PBX3: variants seen among roughly 807,000 people sequenced by gnomAD.
PBX3 encodes the protein PBX homeobox 3.
A neutral mutation model predicts 48.5 loss-of-function variants in PBX3; 14 were observed. The observed-to-expected ratio is 0.29, with a 90% confidence interval of 0.19 to 0.45. PBX3 has a LOEUF of 0.45. PBX3 is among the 20% of genes least tolerant of loss of function. The probability of loss-of-function intolerance (pLI) is 1.00; values close to 1 mark genes in which losing one functional copy is unlikely to be tolerated. For missense variants in PBX3, 386 were observed against 546.7 expected, an observed-to-expected ratio of 0.71 and a Z score of 2.93; for synonymous variants, 210 against 200.3, an observed-to-expected ratio of 1.05 and a Z score of -0.41.
chr9:125,812,543 C>A (rs1838322120), intron 2 of PBX3, among the ~76,000 whole-genome samples: 1 of 152,208 alleles, frequency 6.6e-6, no homozygotes, highest in African/African-American at 2.4e-5. Context: ...GACTCAAAAT[C>A]TCTTTATTGA....
intron 2 of PBX3, among the ~76,000 whole-genome samples, chr9:125,853,974 T>C (rs1472800814): frequency 7.2e-6 from 1 of 138,642 alleles, no homozygotes; most frequent in Non-Finnish European, 1.6e-5. Context: ...AAACATTAAT[T>C]GGCTGCTGTA....
At chr9:125,819,779 GTTTA>G (rs1046223027) in intron 2 of PBX3, among the ~76,000 whole-genome samples, 18 of 151,942 alleles carry the variant, frequency 1.2e-4, no homozygotes, top group African/African-American at 4.1e-4. Context: ...TCACTTTTAA[GTTTA>G]TTTTAGTTAG....
chr9:125,869,996 G>A (rs1362938606), intron 2 of PBX3, among the ~76,000 whole-genome samples: 1 of 151,748 alleles, frequency 6.6e-6, no homozygotes, highest in African/African-American at 2.4e-5. Flanking sequence ...CGTGTCTGGA[G>A]AGGCTTCACA....
chr9:125,748,160 G>T (rs1205993186), intron 1 of PBX3: 1 of 839,776 alleles, frequency 1.2e-6, no homozygotes. Flanking sequence ...AAACTTTGCC[G>T]AGCTGTCACC....
chr9:125,780,045 C>T (rs1448243720), intron 2 of PBX3, among the ~76,000 whole-genome samples: 7 of 136,816 alleles, frequency 5.1e-5, no homozygotes, highest in African/African-American at 8.3e-5. Context: ...CCGGACGGGG[C>T]GGCTGGCCGG....
chr9:125,784,398 G>T (rs1837406401), intron 2 of PBX3, among the ~76,000 whole-genome samples: 1 of 152,120 alleles, frequency 6.6e-6, no homozygotes, highest in African/African-American at 2.4e-5. Context: ...TAAAGTGCTG[G>T]GATTAGAGCT....
chr9:125,943,880 G>A (rs1352304537), intron 5 of PBX3, among the ~76,000 whole-genome samples: 1 of 152,210 alleles, frequency 6.6e-6, no homozygotes, highest in Non-Finnish European at 1.5e-5. Context: ...GGTGTGTGGA[G>A]AAGGCCAGTG....
chr9:125,860,804 G>A (rs909764501), intron 2 of PBX3, among the ~76,000 whole-genome samples: 6 of 148,172 alleles, frequency 4.0e-5, no homozygotes, highest in African/African-American at 1.5e-4. Context: ...GGAGAATCAC[G>A]TGAACCCAGG....
chr9:125,773,042 C>T (rs1025550930), intron 2 of PBX3, among the ~76,000 whole-genome samples: 5 of 152,052 alleles, frequency 3.3e-5, no homozygotes, highest in Non-Finnish European at 5.9e-5. Context: ...CAGTTCTGTG[C>T]GAGGGTAGTA....
intron 2 of PBX3, among the ~76,000 whole-genome samples, chr9:125,764,051 A>G (rs1836741019): frequency 6.6e-6 from 1 of 152,222 alleles, no homozygotes; most frequent in Non-Finnish European, 1.5e-5. Context: ...GCCTGCAAAC[A>G]TGAAATTGTA....
intron 2 of PBX3, among the ~76,000 whole-genome samples, chr9:125,821,328 G>A (rs1838648238): frequency 6.6e-6 from 1 of 152,028 alleles, no homozygotes; most frequent in Admixed American, 6.6e-5. Context: ...ACAGTGGTAA[G>A]CTAATAAGAA....
At chr9:125,778,349 C>T (rs1837134809) in intron 2 of PBX3, among the ~76,000 whole-genome samples, 1 of 151,918 alleles carries the variant, frequency 6.6e-6, no homozygotes, top group Admixed American at 6.6e-5. Context: ...ACCTCCGTCT[C>T]CTGGGTTCAA....
At chr9:125,896,476 A>G (rs1840770761) in intron 2 of PBX3, among the ~76,000 whole-genome samples, 1 of 152,006 alleles carries the variant, frequency 6.6e-6, no homozygotes. Flanking sequence ...AAAAATGCCC[A>G]TTTTCTTTCC....
intron 2 of PBX3, among the ~76,000 whole-genome samples, chr9:125,809,308 T>C (rs1588168493): frequency 1.3e-5 from 2 of 152,220 alleles, no homozygotes; most frequent in East Asian, 3.8e-4. Context: ...GTAGGCAAAT[T>C]TGTAAATATA....
chr9:125,787,934 A>T (rs1219348604), intron 2 of PBX3, among the ~76,000 whole-genome samples: 1 of 152,094 alleles, frequency 6.6e-6, no homozygotes, highest in East Asian at 1.9e-4. Flanking sequence ...GTCATTGGTG[A>T]TTTATTTATT....
At chr9:125,923,407 C>T (rs1388375968) in intron 3 of PBX3, among the ~76,000 whole-genome samples, 1 of 152,144 alleles carries the variant, frequency 6.6e-6, no homozygotes, top group Non-Finnish European at 1.5e-5. Flanking sequence ...AGAAACGCTT[C>T]CATACTCTGG....
chr9:125,889,644 A>G (rs1313347649), intron 2 of PBX3, among the ~76,000 whole-genome samples: 3 of 152,062 alleles, frequency 2.0e-5, no homozygotes, highest in Non-Finnish European at 2.9e-5. Context: ...GTGTCGCACA[A>G]AAGTAAACCC....
chr9:125,829,431 T>C (rs1838896084), intron 2 of PBX3, among the ~76,000 whole-genome samples: 1 of 152,198 alleles, frequency 6.6e-6, no homozygotes, highest in Non-Finnish European at 1.5e-5. Context: ...TTTATAATTA[T>C]ATGTATCATA....
chr9:125,934,921 A>G (rs1311790444), intron 4 of PBX3, among the ~76,000 whole-genome samples: 1 of 152,218 alleles, frequency 6.6e-6, no homozygotes, highest in Admixed American at 6.5e-5. Context: ...TATTCTCAGC[A>G]GTCAGAATGA....
Sources: allele counts gnomAD v4.1 joint callset (sites outside exome capture counted in the v4.1 genomes callset), GRCh38; gene constraint gnomAD v4.1.1; transcripts MANE v1.5; gene names NCBI Gene and HGNC (gene_info 2026-07-23, HGNC 2026-07-21).